The following KCNJ6 variants were observed in gnomAD, a reference collection of about 807,000 sequenced individuals.
KCNJ6 encodes the protein potassium inwardly rectifying channel subfamily J member 6, also known as G protein-activated inward rectifier potassium channel 2.
In KCNJ6, 9 loss-of-function variants were observed where a neutral mutation model predicts 34.2. The observed-to-expected ratio is 0.26, with a 90% CI of 0.16 to 0.46. The LOEUF (loss-of-function observed/expected upper bound fraction) is 0.46. KCNJ6 is among the 20% of genes least tolerant of loss of function. KCNJ6 has a pLI of 1.00. For missense variants in KCNJ6, 236 were observed against 531.3 expected (o/e 0.44, Z 5.46); for synonymous variants, 196 against 207.1 (o/e 0.95, Z 0.46).
chr21:37,736,850 C>T (rs774967343), intron 2 of KCNJ6, among the ~76,000 whole-genome samples: 3 of 152,174 alleles, frequency 2.0e-5, no homozygotes, highest in Non-Finnish European at 4.4e-5. Flanking sequence ...CTATGAGCTC[C>T]AACTGACTTC....
At chr21:37,696,106 C>A (rs1162714186) in intron 3 of KCNJ6, among the ~76,000 whole-genome samples, 3 of 152,118 alleles carry the variant, frequency 2.0e-5, no homozygotes, top group Non-Finnish European at 1.5e-5. Flanking sequence ...TGAAAGAGAA[C>A]ACATCAATGT....
In KCNJ6 at chr21:37,610,917, C is replaced by T. The variant is rs1392555262; in HGVS notation, c.*14242G>A. 6.6e-6 allele frequency: 1 copy of T among 151,578 alleles called. No homozygotes were observed. The highest frequency in any genetic ancestry group is 1.5e-5 in the Non-Finnish European group (1 of 67,924). The allele number at this position is 151,578 out of a possible 1,614,324, so 9.4% of individuals were successfully genotyped here. A position where few individuals can be genotyped will look rare whatever the true frequency, so the allele number is the denominator to read the frequency against. The stretch of plus-strand genomic sequence containing the variant: ...GATCTGAAATCAATCATTTAAGTTT[C>T]CATTTTAAAAAAGTAGAAAAAAAGA... On this transcript the variant is annotated 3_prime_UTR_variant, in exon 4 of 4. Transcript: ENST00000609713.
chr21:37,625,782 C>T (rs893477952), intron 3 of KCNJ6, among the ~76,000 whole-genome samples: 27 of 152,224 alleles, frequency 1.8e-4, no homozygotes, highest in African/African-American at 4.8e-4. Flanking sequence ...CACAAGTTTT[C>T]GCATGTGCAT....
Position 37,904,822 on chromosome 21 carries a change from T to C in KCNJ6, c.-28+11062A>G, listed in dbSNP as rs140485696. ...AGTCTTGTCTACTCTCTGCTCCAGATCACAAAATAAAATGGTCTCATCATA... is the reference window on the plus strand; with the variant it reads ...AGTCTTGTCTACTCTCTGCTCCAGACCACAAAATAAAATGGTCTCATCATA... On this transcript the variant is annotated intron_variant, in intron 1 of 3. Coordinates refer to ENST00000609713, the MANE Select transcript of KCNJ6 (RefSeq NM_002240.5). Among the ~76,000 whole-genome samples the C allele has an allele frequency of 1.1e-3, 167 of 152,222 alleles. 1 individual carries two copies. The highest frequency in any genetic ancestry group is 3.9e-3 in the African/African-American group (162 of 41,540).
chr21:37,750,457 C>T (rs1006564441), intron 2 of KCNJ6, among the ~76,000 whole-genome samples: 5 of 152,276 alleles, frequency 3.3e-5, no homozygotes, highest in Admixed American at 2.6e-4. Context: ...CTATTCACAA[C>T]AGCAAAGACT....
At position 37,615,386 on chromosome 21, in the gene KCNJ6, A is replaced by G. The variant is rs771547523; in HGVS notation, c.*9773T>C. On this transcript the variant is annotated 3_prime_UTR_variant, in exon 4 of 4. Coordinates refer to ENST00000609713, the MANE Select transcript of KCNJ6 (RefSeq NM_002240.5). The stretch of plus-strand genomic sequence containing the variant: ...GCCATTCTCCTGCCTCAGCCTCCCG[A>G]GTACCCAGCATTCTTAAGCAGTACC... 2 of 152,032 alleles carry G rather than the reference A, an allele frequency of 1.3e-5. No individual in the cohort carries two copies. Among genetic ancestry groups the G allele is most frequent in the Non-Finnish European group, 1.5e-5 (1 of 68,272 alleles). The allele number at this position is 152,032 out of a possible 1,614,324, so 9.4% of individuals were successfully genotyped here.
At chr21:37,666,960 G>C (rs73495488) in intron 3 of KCNJ6, among the ~76,000 whole-genome samples, 57 of 150,706 alleles carry the variant, frequency 3.8e-4, no homozygotes, top group South Asian at 1.5e-3. Context: ...CAGCATACTC[G>C]TTAAGAGTCA....
chr21:37,861,451 C>A lies in KCNJ6; in HGVS notation c.-27-20742G>T, dbSNP rs576020852. 2.0e-5 allele frequency among the ~76,000 whole-genome samples: 3 copies of A among 152,300 alleles called. No homozygotes were observed. The South Asian group carries it at 6.2e-4, about 32-fold the overall frequency. On this transcript the variant is annotated intron_variant, in intron 1 of 3. Transcript: ENST00000609713. ...AGCCCACCCTAGTGACCTCATTTTA[C>A]CTCTATCACTTCTTTAAAGGCTCTA...
intron 2 of KCNJ6, among the ~76,000 whole-genome samples, chr21:37,790,259 G>T (rs778955275): frequency 2.1e-4 from 32 of 152,282 alleles, no homozygotes; most frequent in Non-Finnish European, 4.3e-4. Context: ...TTCAGCTTTG[G>T]CTGCATCAAG....
chr21:37,838,077 C>T (rs959599208), intron 2 of KCNJ6, among the ~76,000 whole-genome samples: 4 of 152,156 alleles, frequency 2.6e-5, no homozygotes. Context: ...CATTGAGAAA[C>T]ATTTATGCAA....
intron 1 of KCNJ6, among the ~76,000 whole-genome samples, chr21:37,844,733 ACT>A (rs1360313453): frequency 6.6e-6 from 1 of 150,852 alleles, no homozygotes; most frequent in East Asian, 2.0e-4. Flanking sequence ...ATCCCTAAAA[ACT>A]CTGCTGGGCA....
At chr21:37,789,328 T>C (rs551358418) in intron 2 of KCNJ6, among the ~76,000 whole-genome samples, 3 of 152,306 alleles carry the variant, frequency 2.0e-5, no homozygotes, top group East Asian at 3.9e-4. Context: ...AATGAAGTCA[T>C]ACGGGTGGGG....
chr21:37,673,948 AC>A (rs965052234), intron 3 of KCNJ6, among the ~76,000 whole-genome samples: 1 of 152,128 alleles, frequency 6.6e-6, no homozygotes, highest in Non-Finnish European at 1.5e-5. Flanking sequence ...CTCAGGGTTT[AC>A]CTGTTTGCTT....
intron 2 of KCNJ6, among the ~76,000 whole-genome samples, chr21:37,803,353 C>T (rs777538578): frequency 1.8e-4 from 27 of 152,228 alleles, no homozygotes; most frequent in East Asian, 5.8e-4. Context: ...ACAGCATCTG[C>T]GTGATCTTGA....
intron 2 of KCNJ6, among the ~76,000 whole-genome samples, chr21:37,731,345 G>T (rs183597608): frequency 3.0e-4 from 46 of 152,294 alleles, no homozygotes; most frequent in Admixed American, 2.2e-3. Flanking sequence ...GAGAAAAAAA[G>T]ACTTTCTAAG....
At chr21:37,684,210 G>A (rs1037086662) in intron 3 of KCNJ6, among the ~76,000 whole-genome samples, 1 of 152,294 alleles carries the variant, frequency 6.6e-6, no homozygotes, top group African/African-American at 2.4e-5. Flanking sequence ...GCTGTGAAGG[G>A]AGGTCTGGTC....
chr21:37,896,876 C>T (rs556987454), intron 1 of KCNJ6, among the ~76,000 whole-genome samples: 110 of 152,286 alleles, frequency 7.2e-4, no homozygotes, highest in African/African-American at 2.4e-3. Flanking sequence ...CTGGAGCTCA[C>T]GGTTTGCTTC....
chr21:37,838,462 C>T (rs1233092073), intron 2 of KCNJ6, among the ~76,000 whole-genome samples: 1 of 152,192 alleles, frequency 6.6e-6, no homozygotes, highest in African/African-American at 2.4e-5. Flanking sequence ...ATGTGCAACA[C>T]CATCTGATGT....
intron 1 of KCNJ6, among the ~76,000 whole-genome samples, chr21:37,912,424 C>T (rs60633399): frequency 0.28 from 42,612 of 151,970 alleles, 7,215 homozygotes; most frequent in African/African-American, 0.48. Flanking sequence ...TTATTGACAC[C>T]ACCCCCCTTT....
Sources: gnomAD v4.1 joint callset for allele counts (sites outside exome capture counted in the v4.1 genomes callset) on GRCh38, gnomAD v4.1.1 for gene constraint, MANE v1.5 for transcripts, NCBI Gene and HGNC (gene_info 2026-07-23, HGNC 2026-07-21) for gene names.